The following LNPK variants were observed in gnomAD, a reference collection of about 807,000 sequenced individuals.
LNPK encodes the protein lunapark, ER junction formation factor.
A neutral mutation model predicts 55.2 loss-of-function variants in LNPK; 29 were observed. The observed-to-expected ratio is 0.53, with a 90% CI of 0.39 to 0.72. The LOEUF is 0.72. Among genes scored for constraint, LNPK ranks in the 30% least tolerant of loss-of-function variants. The probability of loss-of-function intolerance (pLI) is 0.00; values close to 1 mark genes in which losing one functional copy is unlikely to be tolerated. For missense variants in LNPK, 467 were observed against 494.8 expected (o/e 0.94, Z 0.53); for synonymous variants, 162 against 168.2 (o/e 0.96, Z 0.29).
At chr2:175,993,316 T>TAA (rs1276353843) in intron 2 of LNPK, 93 bp from the exon 3 acceptor site, 5 of 724,040 alleles carry the variant, frequency 6.9e-6, no homozygotes, top group Non-Finnish European at 1.1e-5. Flanking sequence ...ATTTCAAAAT[T>TAA]AAATTTTCTC....
intron 8 of LNPK, among the ~76,000 whole-genome samples, chr2:175,953,556 C>T (rs1256745557): frequency 6.6e-6 from 1 of 151,964 alleles, no homozygotes; most frequent in African/African-American, 2.4e-5. Flanking sequence ...CTTGATTCTT[C>T]CTCCCACCCC....
chr2:175,964,310 AACTC>A, intron 8 of LNPK, 58 bp downstream of exon 8: 1 of 1,375,282 alleles, frequency 7.3e-7, no homozygotes, highest in South Asian at 1.2e-5. Flanking sequence ...CACACTTTTG[AACTC>A]ACTTGGGTAA....
chr2:176,000,981 G>A (rs146528857), intron 1 of LNPK, among the ~76,000 whole-genome samples: 155 of 152,114 alleles, frequency 1.0e-3, no homozygotes, highest in African/African-American at 3.3e-3. Flanking sequence ...ATGTTTCTAT[G>A]TGAAGTCATA....
chr2:175,973,673 G>C (rs575825169), intron 5 of LNPK, among the ~76,000 whole-genome samples: 2 of 152,230 alleles, frequency 1.3e-5, no homozygotes, highest in African/African-American at 4.8e-5. Flanking sequence ...ACTTTTTATA[G>C]AGACTAATTC....
At chr2:175,957,485 A>T (rs1489401964) in intron 8 of LNPK, among the ~76,000 whole-genome samples, 1 of 151,752 alleles carries the variant, frequency 6.6e-6, no homozygotes, top group Non-Finnish European at 1.5e-5. Flanking sequence ...CCACTTGTAT[A>T]CTAGATCACA....
At chr2:175,960,029 G>T (rs149456633) in intron 8 of LNPK, among the ~76,000 whole-genome samples, 2 of 152,050 alleles carry the variant, frequency 1.3e-5, no homozygotes, top group African/African-American at 4.8e-5. Flanking sequence ...AAATATATAT[G>T]CACCCAACAC....
chr2:175,976,762 GA>G (rs1428162749), intron 5 of LNPK, among the ~76,000 whole-genome samples: 1 of 152,182 alleles, frequency 6.6e-6, no homozygotes, highest in Non-Finnish European at 1.5e-5. Context: ...TTTCAGACTA[GA>G]ACTTACACTT....
At chr2:175,961,272 T>G (rs1315790136) in intron 8 of LNPK, among the ~76,000 whole-genome samples, 1 of 152,082 alleles carries the variant, frequency 6.6e-6, no homozygotes, top group Non-Finnish European at 1.5e-5. Flanking sequence ...TAGACCAATA[T>G]CCCTGATGAA....
At chr2:175,986,353 CAATA>C (rs993459922) in intron 4 of LNPK, among the ~76,000 whole-genome samples, 17 of 151,780 alleles carry the variant, frequency 1.1e-4, no homozygotes, top group African/African-American at 3.9e-4. Flanking sequence ...TTAACTAAGA[CAATA>C]AATAAAAATA....
In LNPK at chr2:175,929,809, T is replaced by C; in HGVS notation, c.*158A>G. 6.9e-7 allele frequency: 1 copy of C among 1,446,022 alleles called. No individual in the cohort carries two copies. Among genetic ancestry groups the C allele is most frequent in the Non-Finnish European group, 9.1e-7 (1 of 1,103,120 alleles). The allele number at this position is 1,446,022 out of a possible 1,614,324, so 89.6% of individuals were successfully genotyped here. A position where few individuals can be genotyped will look rare whatever the true frequency, so the allele number is the denominator to read the frequency against. On this transcript the variant is annotated 3_prime_UTR_variant, in exon 13 of 13. Transcript: ENST00000272748. ...TTGCTTTTAATTTTAATACCCAGTATATATAACTTTGAGATGTTCAAATAG... is the reference window on the plus strand; with the variant it reads ...TTGCTTTTAATTTTAATACCCAGTACATATAACTTTGAGATGTTCAAATAG...
At chr2:175,930,984 A>G (rs1296798940) in intron 12 of LNPK, among the ~76,000 whole-genome samples, 2 of 152,214 alleles carry the variant, frequency 1.3e-5, no homozygotes, top group South Asian at 2.1e-4. Context: ...TAAAAATAAT[A>G]TAACAATTGT....
At chr2:175,975,091 C>T (rs1686849399) in intron 5 of LNPK, among the ~76,000 whole-genome samples, 1 of 151,610 alleles carries the variant, frequency 6.6e-6, no homozygotes, top group Non-Finnish European at 1.5e-5. Context: ...TATTCTTCCA[C>T]CATCTGCTAT....
intron 8 of LNPK, among the ~76,000 whole-genome samples, chr2:175,955,110 T>C (rs898241604): frequency 3.3e-5 from 5 of 152,200 alleles, no homozygotes; most frequent in Non-Finnish European, 5.9e-5. Context: ...TTGTTATCTA[T>C]ATTAAAGTAC....
chr2:175,981,985 C>T (rs1311266201), intron 4 of LNPK, among the ~76,000 whole-genome samples: 1 of 152,024 alleles, frequency 6.6e-6, no homozygotes, highest in Non-Finnish European at 1.5e-5. Context: ...ATTTTTGTGA[C>T]ATGAAAACAC....
chr2:175,996,098 C>T (rs1687922629), intron 1 of LNPK, among the ~76,000 whole-genome samples: 1 of 152,032 alleles, frequency 6.6e-6, no homozygotes, highest in Non-Finnish European at 1.5e-5. Context: ...TAGGCGTGAG[C>T]CATCGCACAC....
rs189677646 is a variant in LNPK at position 175,989,441 on chromosome 2, A to C, written c.257+2790T>G. Among the ~76,000 whole-genome samples the C allele has an allele frequency of 1.5e-4, 23 of 152,276 alleles. No individual in the cohort carries two copies. The East Asian group carries it at 4.2e-3, about 28-fold the overall frequency. On this transcript the variant is annotated intron_variant, in intron 4 of 12. Coordinates refer to ENST00000272748, the MANE Select transcript of LNPK (RefSeq NM_030650.3). ...AATTACAGAGAATGAAATGTCTAGA[A>C]AGTTATAATTCGTAAAAATAAGGTA...
At chr2:175,976,118 A>C (rs1294541604) in intron 5 of LNPK, among the ~76,000 whole-genome samples, 1 of 152,196 alleles carries the variant, frequency 6.6e-6, no homozygotes, top group Non-Finnish European at 1.5e-5. Context: ...GGAGAGTGAA[A>C]GATGAGGTTG....
At chr2:175,940,934 A>G (rs561058161) in intron 9 of LNPK, 1 of 453,848 alleles carries the variant, frequency 2.2e-6, no homozygotes, top group African/African-American at 2.0e-5. Context: ...GGTGAACTTT[A>G]AGACATAGCA....
chr2:175,953,375 T>C (rs1257634990), intron 8 of LNPK, among the ~76,000 whole-genome samples: 3 of 152,120 alleles, frequency 2.0e-5, no homozygotes, highest in African/African-American at 7.2e-5. Flanking sequence ...CTGAGCTCCA[T>C]ATGAAATAAT....
Sources: allele counts gnomAD v4.1 joint callset (sites outside exome capture counted in the v4.1 genomes callset), GRCh38; gene constraint gnomAD v4.1.1; transcripts MANE v1.5; gene names NCBI Gene and HGNC (gene_info 2026-07-23, HGNC 2026-07-21).